Variants in PTPRR observed in about 807,000 individuals in gnomAD.
PTPRR encodes the protein receptor-type tyrosine-protein phosphatase R.
In PTPRR, 38 loss-of-function variants were observed where a neutral mutation model predicts 77.2. The observed-to-expected ratio is 0.49, with a 90% CI of 0.38 to 0.65. The LOEUF (loss-of-function observed/expected upper bound fraction) is 0.65, where lower values mean the gene tolerates loss of function less well. PTPRR is among the 30% of genes least tolerant of loss of function. The pLI, the probability that PTPRR is intolerant of heterozygous loss-of-function variation, is 0.00. For missense variants in PTPRR, 744 were observed against 799.2 expected, an observed-to-expected ratio of 0.93 and a Z score of 0.83; for synonymous variants, 299 against 283.1, an observed-to-expected ratio of 1.06 and a Z score of -0.57.
At chr12:70,897,004 G>C (rs1893440504) in intron 1 of PTPRR, among the ~76,000 whole-genome samples, 1 of 151,768 alleles carries the variant, frequency 6.6e-6, no homozygotes, top group Non-Finnish European at 1.5e-5. Flanking sequence ...ATGCTGTTTT[G>C]GTTACTGTAG....
intron 2 of PTPRR, among the ~76,000 whole-genome samples, chr12:70,832,351 G>A (rs1292487182): frequency 6.6e-6 from 1 of 152,128 alleles, no homozygotes; most frequent in Non-Finnish European, 1.5e-5. Flanking sequence ...CCAAGAGAAG[G>A]TCAACATTCA....
intron 13 of PTPRR, among the ~76,000 whole-genome samples, chr12:70,647,257 C>A (rs1172507916): frequency 6.6e-6 from 1 of 152,194 alleles, no homozygotes; most frequent in African/African-American, 2.4e-5. Flanking sequence ...TTTTAAAATT[C>A]TTCCAGTGTC....
intron 1 of PTPRR, among the ~76,000 whole-genome samples, chr12:70,902,402 G>A (rs568137067): frequency 1.3e-5 from 2 of 151,856 alleles, no homozygotes; most frequent in South Asian, 2.1e-4. Context: ...TTGCAAAATC[G>A]TGGAACCAAC....
intron 2 of PTPRR, among the ~76,000 whole-genome samples, chr12:70,879,758 C>T (rs1385214632): frequency 1.3e-5 from 2 of 151,910 alleles, no homozygotes; most frequent in African/African-American, 2.4e-5. Context: ...GCTATTTTGG[C>T]GTAGTGACTG....
At chr12:70,729,262 A>G (rs1361735175) in intron 6 of PTPRR, among the ~76,000 whole-genome samples, 4 of 152,184 alleles carry the variant, frequency 2.6e-5, no homozygotes, top group Non-Finnish European at 5.9e-5. Flanking sequence ...ATGTTTGCAT[A>G]TATGTGTGTA....
chr12:70,775,557 CA>C (rs1891069232), intron 2 of PTPRR, among the ~76,000 whole-genome samples: 1 of 152,210 alleles, frequency 6.6e-6, no homozygotes, highest in African/African-American at 2.4e-5. Context: ...AGTTATTAGG[CA>C]GCCTGGACTT....
Position 70,763,422 on chromosome 12 carries a change from G to A in PTPRR, c.471+1243C>T, listed in dbSNP as rs116146069. Among the ~76,000 whole-genome samples, 85 of 152,220 alleles carry A rather than the reference G, an allele frequency of 5.6e-4. 1 individual carries two copies. The highest frequency in any genetic ancestry group is 6.8e-3 in the Middle Eastern group (2 of 294). ...TCTGGGATTACAGGCGTGAGCCACC[G>A]GGTAACCTTCACTCATTCAGGGGAA... On this transcript the variant is annotated intron_variant, in intron 3 of 13. Transcript: ENST00000283228.
At chr12:70,872,709 A>AAAAAAAAAC (rs1555181870) in intron 2 of PTPRR, among the ~76,000 whole-genome samples, 1 of 148,984 alleles carries the variant, frequency 6.7e-6, no homozygotes, top group Non-Finnish European at 1.5e-5. Context: ...AAAAAAAAAA[A>AAAAAAAAAC]AAAAAAAAAA....
chr12:70,912,645 T>C (rs936067882), intron 1 of PTPRR, among the ~76,000 whole-genome samples: 22 of 152,158 alleles, frequency 1.4e-4, no homozygotes, highest in Admixed American at 2.0e-4. Flanking sequence ...TATATTAAAA[T>C]CAAATGAGAT....
intron 1 of PTPRR, among the ~76,000 whole-genome samples, chr12:70,914,684 A>G (rs975351376): frequency 6.6e-6 from 1 of 152,138 alleles, no homozygotes; most frequent in Non-Finnish European, 1.5e-5. Flanking sequence ...GGGGCCAGGT[A>G]CTGTGGCTCA....
chr12:70,666,998 C>T (rs1291871030), intron 10 of PTPRR, among the ~76,000 whole-genome samples: 2 of 110,328 alleles, frequency 1.8e-5, no homozygotes, highest in African/African-American at 7.0e-5. Flanking sequence ...CTCTGTCACT[C>T]AGGCTGGAGT....
intron 10 of PTPRR, among the ~76,000 whole-genome samples, chr12:70,666,559 C>T (rs757433010): frequency 6.6e-5 from 10 of 152,082 alleles, no homozygotes; most frequent in Non-Finnish European, 1.3e-4. Flanking sequence ...GAATAAGTTG[C>T]GTAAGTTTTT....
At chr12:70,700,163 G>A (rs1487465131) in intron 7 of PTPRR, among the ~76,000 whole-genome samples, 1 of 152,154 alleles carries the variant, frequency 6.6e-6, no homozygotes, top group African/African-American at 2.4e-5. Context: ...AATAGTTGAT[G>A]GGGCTAATAG....
At chr12:70,827,659 G>A (rs2137047172) in intron 2 of PTPRR, among the ~76,000 whole-genome samples, 1 of 146,574 alleles carries the variant, frequency 6.8e-6, no homozygotes, top group South Asian at 2.2e-4. Context: ...AATTCTCCTG[G>A]CTCAGCCTCC....
At chr12:70,701,704 A>G (rs1489392702) in intron 6 of PTPRR, among the ~76,000 whole-genome samples, 1 of 152,098 alleles carries the variant, frequency 6.6e-6, no homozygotes, top group East Asian at 1.9e-4. Context: ...CAGATGAGGT[A>G]GTTCATGACT....
At chr12:70,856,934 A>G (rs1399546909) in intron 2 of PTPRR, among the ~76,000 whole-genome samples, 1 of 152,132 alleles carries the variant, frequency 6.6e-6, no homozygotes, top group African/African-American at 2.4e-5. Flanking sequence ...ATTTACCAAT[A>G]CAGGAAATAA....
At chr12:70,800,278 T>G (rs1891591690) in intron 2 of PTPRR, among the ~76,000 whole-genome samples, 1 of 151,862 alleles carries the variant, frequency 6.6e-6, no homozygotes, top group Non-Finnish European at 1.5e-5. Context: ...CTTTTTTTTT[T>G]TTTGTGCTGA....
At chr12:70,909,130 GT>G (rs1366413989) in intron 1 of PTPRR, among the ~76,000 whole-genome samples, 3 of 152,198 alleles carry the variant, frequency 2.0e-5, no homozygotes, top group African/African-American at 7.2e-5. Flanking sequence ...ATGCTGCAGG[GT>G]GAGGTATTGG....
intron 2 of PTPRR, among the ~76,000 whole-genome samples, chr12:70,786,961 TTTTGTGG>T (rs1891335412): frequency 6.6e-6 from 1 of 152,210 alleles, no homozygotes; most frequent in Non-Finnish European, 1.5e-5. Context: ...TAGCTAGTGT[TTTTGTGG>T]TTCTTTCAAC....
Sources: allele counts gnomAD v4.1 joint callset (sites outside exome capture counted in the v4.1 genomes callset), GRCh38; gene constraint gnomAD v4.1.1; transcripts MANE v1.5; gene names NCBI Gene and HGNC (gene_info 2026-07-23, HGNC 2026-07-21).